The following UBR4 variants were observed in gnomAD, a reference collection of about 807,000 sequenced individuals.
UBR4 encodes the protein E3 ubiquitin-protein ligase UBR4.
UBR4 carries 124 observed loss-of-function variants against 575.6 expected under a neutral mutation model. That is an observed-to-expected ratio of 0.22 (90% CI 0.19 to 0.25). UBR4 has a LOEUF of 0.25. Ranked by LOEUF, UBR4 falls within the 10% of genes least tolerant of loss-of-function variation. The pLI, the probability that UBR4 is intolerant of heterozygous loss-of-function variation, is 1.00. For missense variants in UBR4, 4,818 were observed against 6,478.8 expected, an observed-to-expected ratio of 0.74 and a Z score of 8.80; for synonymous variants, 2,455 against 2,473.7, an observed-to-expected ratio of 0.99 and a Z score of 0.22.
At chr1:19,119,281 AG>A (rs1427319335) in intron 70 of UBR4, among the ~76,000 whole-genome samples, 1 of 152,250 alleles carries the variant, frequency 6.6e-6, no homozygotes, top group Non-Finnish European at 1.5e-5. Flanking sequence ...TAGCAAAACA[AG>A]GAGCACTTGC....
Position 19,110,106 on chromosome 1 carries a change from T to C in UBR4, c.12095A>G (p.Lys4032Arg). 2.5e-6 allele frequency: 4 copies of C among 1,614,144 alleles called. No homozygotes were observed. The highest frequency in any genetic ancestry group is 3.4e-6 in the Non-Finnish European group (4 of 1,180,012). The change falls in exon 81 of 106, where the codon AAG (lysine) becomes AGG (arginine). Residue 4032 changes from lysine to arginine, a missense_variant. Lys to Arg is a conservative substitution (Grantham distance 26). Coordinates refer to ENST00000375254, the MANE Select transcript of UBR4 (RefSeq NM_020765.3). The surrounding 1 kb of genome is among the most constrained non-coding windows in gnomAD (Gnocchi z 4.5). ...KLIKPPAPTS[K>R]KNKDVPVEAL... Reference sequence around the variant, plus strand: ...TGCTTGGCCCAGTACCTTGTTCTTCTTGCTAGTGGGAGCAGGTGGTTTTAT... The same window carrying C: ...TGCTTGGCCCAGTACCTTGTTCTTCCTGCTAGTGGGAGCAGGTGGTTTTAT...
At chr1:19,130,918 AT>A (rs778873046) in intron 60 of UBR4, among the ~76,000 whole-genome samples, 6 of 149,548 alleles carry the variant, frequency 4.0e-5, no homozygotes, top group African/African-American at 4.9e-5. Context: ...TCATTTTGTT[AT>A]TTTTTTTTTG....
chr1:19,077,175 G>C (rs533518861), intron 104 of UBR4, among the ~76,000 whole-genome samples: 1 of 152,290 alleles, frequency 6.6e-6, no homozygotes, highest in South Asian at 2.1e-4. Context: ...CTTCCCATTC[G>C]CATTCCCCAG....
At chr1:19,078,244 G>A in intron 103 of UBR4, 178 bp from the exon 104 acceptor site, 1 of 582,348 alleles carries the variant, frequency 1.7e-6, no homozygotes, top group South Asian at 2.1e-5. Context: ...GGAGCCCTGG[G>A]ACCCAGAAGT....
At chr1:19,205,915 A>G (rs2092983317) in intron 1 of UBR4, among the ~76,000 whole-genome samples, 2 of 152,232 alleles carry the variant, frequency 1.3e-5, no homozygotes, top group African/African-American at 2.4e-5. Flanking sequence ...GAGAAGGAGC[A>G]TATTTCTTTT....
intron 105 of UBR4, 181 bp from the exon 106 acceptor site, chr1:19,075,077 A>G (rs891609841): frequency 6.2e-6 from 4 of 649,312 alleles, no homozygotes; most frequent in African/African-American, 5.4e-5. Context: ...GTTCCGCAGG[A>G]GGAGTCCTGT....
rs1274452366 is a variant in UBR4 at position 19,157,452 on chromosome 1, T to C, written c.5760+363A>G. 1.3e-5 allele frequency among the ~76,000 whole-genome samples: 2 copies of C among 152,192 alleles called. No individual in the cohort carries two copies. Among genetic ancestry groups the C allele is most frequent in the Non-Finnish European group, 2.9e-5 (2 of 68,028 alleles). On this transcript the variant is annotated intron_variant, in intron 40 of 105. Coordinates refer to ENST00000375254, the MANE Select transcript of UBR4 (RefSeq NM_020765.3). The surrounding 1 kb of genome is among the most constrained non-coding windows in gnomAD (Gnocchi z 4.4). ...GCACTACATAAGCAACACTGAGTGT[T>C]CCTATGAAAACTTTTGTCTCTCAGC...
At chr1:19,174,193 TC>T in intron 22 of UBR4, 125 bp downstream of exon 22, 1 of 1,243,894 alleles carries the variant, frequency 8.0e-7, no homozygotes, top group Non-Finnish European at 1.1e-6. Flanking sequence ...CTAGAAATAC[TC>T]AAGTATCAGT....
chr1:19,114,424 C>G (rs1311011816), intron 75 of UBR4, among the ~76,000 whole-genome samples: 8 of 152,122 alleles, frequency 5.3e-5, no homozygotes, highest in African/African-American at 1.7e-4. Context: ...TCTTTAATAT[C>G]TAGAACCTCC....
rs147369957 is a variant in UBR4 at position 19,192,495 on chromosome 1, G to A, written c.1189C>T (p.Arg397Trp). Reference sequence around the variant, plus strand: ...ACGCTTCTTACCTCACCACCAGCCCGGCGAGAACTGCTGATTGCTTGTCCA... The same window carrying A: ...ACGCTTCTTACCTCACCACCAGCCCAGCGAGAACTGCTGATTGCTTGTCCA... ...MIGQAISSSR[R>W]AGGEHYQNFQ... is the part of the protein sequence containing the mutation. Residue 397 changes from arginine to tryptophan, a missense_variant, in exon 10 of 106, where the codon CGG becomes TGG. Coordinates refer to ENST00000375254, the MANE Select transcript of UBR4 (RefSeq NM_020765.3). The A allele has an allele frequency of 3.6e-5, 58 of 1,614,020 alleles. 1 individual carries two copies. Among genetic ancestry groups the A allele is most frequent in the African/African-American group, 1.2e-4 (9 of 74,912 alleles).
chr1:19,101,237 A>G (rs1373608871), intron 88 of UBR4, among the ~76,000 whole-genome samples: 1 of 152,232 alleles, frequency 6.6e-6, no homozygotes, highest in Non-Finnish European at 1.5e-5. Flanking sequence ...TTGATATGCA[A>G]TGGGATTTTG....
At chr1:19,165,596 C>T (rs1219885801) in intron 30 of UBR4, 60 bp downstream of exon 30, 1 of 1,526,222 alleles carries the variant, frequency 6.6e-7, no homozygotes, top group African/African-American at 1.4e-5. Flanking sequence ...ACATATATAG[C>T]TCCTTGCTTT....
Position 19,093,700 on chromosome 1 carries a change from C to A in UBR4, c.13938-214G>T, listed in dbSNP as rs528123000. Among the ~76,000 whole-genome samples, 185 of 152,326 alleles carry A rather than the reference C, an allele frequency of 1.2e-3. 1 individual carries two copies. Among genetic ancestry groups the A allele is most frequent in the African/African-American group, 4.3e-3 (179 of 41,578 alleles). On this transcript the variant is annotated intron_variant, in intron 95 of 105. Coordinates refer to ENST00000375254, the MANE Select transcript of UBR4 (RefSeq NM_020765.3). This position sits in a 1 kb window ranked among gnomAD's most constrained non-coding sequence, Gnocchi z 4.8. ...GCCTTCTCTTGCACTCACATTTGCG[C>A]ACACGTGGCTCCATCTCGTCATATT...
Position 19,088,976 on chromosome 1 carries a change from A to G in UBR4, c.14213T>C (p.Val4738Ala). ...GLAIQHPGTQ[V>A]LIGTDSIPNL... ...CGGGATGGAATCAGTTCCAATCAGA[A>G]CCTGCCAGTAAGAGACCAGAGAGAC... The change falls in exon 98 of 106, where the codon GTT becomes GCT. Residue 4738 changes from valine (V) to alanine (A), a missense_variant and splice_region_variant. Val to Ala is a moderately conservative substitution (Grantham distance 64). Around this residue, in one of 29 missense-constraint regions of UBR4, gnomAD observed 196 missense variants for 386.8 expected, o/e 0.51. Coordinates refer to ENST00000375254, the MANE Select transcript of UBR4 (RefSeq NM_020765.3). The surrounding 1 kb of genome is among the most constrained non-coding windows in gnomAD (Gnocchi z 4.0). The G allele has an allele frequency of 1.2e-6, 2 of 1,609,800 alleles. No homozygotes were observed. Among genetic ancestry groups the G allele is most frequent in the Non-Finnish European group, 1.7e-6 (2 of 1,178,780 alleles).
At chr1:19,079,745 C>A (rs2076303466) in intron 103 of UBR4, 1 of 152,340 alleles carries the variant, frequency 6.6e-6, no homozygotes, top group South Asian at 2.1e-4. Context: ...ACCCACAGTG[C>A]CTTTCCTAGT....
In UBR4 at chr1:19,119,537, G is replaced by T; in HGVS notation, c.10455+20C>A. 6.2e-7 allele frequency: 1 copy of T among 1,607,326 alleles called. No homozygotes were observed. The highest frequency in any genetic ancestry group is 1.1e-5 in the South Asian group (1 of 90,874). ...TTAAATATGGCAAGTTGGCCCCTCT[G>T]ACCATAAAGCAACTGTTACCTTCTT... is the stretch of plus-strand genomic sequence containing the variant. On this transcript the variant is annotated intron_variant, in intron 70 of 105. Transcript: ENST00000375254.
At chr1:19,201,905 T>C in intron 1 of UBR4, 90 bp from the exon 2 acceptor site, 2 of 1,080,514 alleles carry the variant, frequency 1.9e-6, no homozygotes, top group Non-Finnish European at 2.7e-6. Flanking sequence ...ATTTAATCCT[T>C]ACTACCTGGT....
At chr1:19,177,882 G>A in intron 18 of UBR4, 139 bp from the exon 19 acceptor site, 1 of 1,096,368 alleles carries the variant, frequency 9.1e-7, no homozygotes, top group Non-Finnish European at 1.3e-6. Context: ...AAGGCTACAT[G>A]GTAAAGACAA....
chr1:19,101,042 T>C (rs1461713685), intron 88 of UBR4, among the ~76,000 whole-genome samples: 1 of 152,102 alleles, frequency 6.6e-6, no homozygotes, highest in Non-Finnish European at 1.5e-5. Flanking sequence ...CTCATGATAC[T>C]AGTGTTCATC....
Sources: gnomAD v4.1 joint callset for allele counts (sites outside exome capture counted in the v4.1 genomes callset) on GRCh38, gnomAD v4.1.1 for gene constraint, gnomAD v4.1.1 regional missense constraint, Gnocchi (gnomAD v3.1) non-coding constraint, MANE v1.5 for transcripts, NCBI Gene and HGNC (gene_info 2026-07-23, HGNC 2026-07-21) for gene names.